Variants in C1orf185 observed in about 807,000 individuals in gnomAD.
C1orf185 encodes chromosome 1 open reading frame 185.
C1orf185 carries 13 observed loss-of-function variants against 16.1 expected under a neutral mutation model. That is an observed-to-expected ratio of 0.81 (90% confidence interval 0.53 to 1.28). The LOEUF is 1.28. Ranked by LOEUF, C1orf185 falls within the 50% of genes most tolerant of loss-of-function variation. The probability of loss-of-function intolerance (pLI) is 0.00; values close to 1 mark genes in which losing one functional copy is unlikely to be tolerated. For missense variants in C1orf185, 220 were observed against 225.2 expected, an observed-to-expected ratio of 0.98 and a Z score of 0.15; for synonymous variants, 80 against 76.9, an observed-to-expected ratio of 1.04 and a Z score of -0.21.
At chr1:51,106,842 C>G (rs1646076481) in intron 1 of C1orf185, among the ~76,000 whole-genome samples, 1 of 151,466 alleles carries the variant, frequency 6.6e-6, no homozygotes, top group South Asian at 2.1e-4. Context: ...ACTGCAACCT[C>G]CAACTCCCTG....
chr1:51,150,185 G>A (rs1340206387), downstream of C1orf185, among the ~76,000 whole-genome samples: 1 of 150,730 alleles, frequency 6.6e-6, no homozygotes, highest in African/African-American at 2.4e-5. Context: ...ATAATAAATT[G>A]AATGTCTTTC....
chr1:51,123,940 T>C (rs754682908), intron 3 of C1orf185, among the ~76,000 whole-genome samples: 9 of 151,408 alleles, frequency 5.9e-5, no homozygotes, highest in African/African-American at 1.7e-4. Flanking sequence ...CACACATGTA[T>C]ATATATACAC....
chr1:51,106,860 C>T (rs1646076615), intron 1 of C1orf185, among the ~76,000 whole-genome samples: 1 of 151,098 alleles, frequency 6.6e-6, no homozygotes, highest in African/African-American at 2.4e-5. Context: ...CTGGTTCAAG[C>T]GACTCCCCTG....
chr1:51,108,486 ATTG>A (rs758890354), intron 1 of C1orf185, among the ~76,000 whole-genome samples: 11 of 152,088 alleles, frequency 7.2e-5, no homozygotes, highest in Non-Finnish European at 1.3e-4. Flanking sequence ...ATTATTGTTA[ATTG>A]TTGTCACCCT....
downstream of C1orf185, among the ~76,000 whole-genome samples, chr1:51,151,782 T>G (rs932321260): frequency 6.6e-6 from 1 of 152,052 alleles, no homozygotes; most frequent in Non-Finnish European, 1.5e-5. Flanking sequence ...CTCCGCCACC[T>G]GGGTTCAAGC....
At chr1:51,146,023 T>C (rs17106420) in intron 4 of C1orf185, among the ~76,000 whole-genome samples, 2,432 of 152,328 alleles carry the variant, frequency 0.016, 63 homozygotes, top group African/African-American at 0.054. Flanking sequence ...CAATGTCATA[T>C]AGTAATGCTT....
chr1:51,136,339 A>AT (rs199798609), intron 3 of C1orf185, among the ~76,000 whole-genome samples: 11,047 of 143,536 alleles, frequency 0.077, 1,047 homozygotes, highest in African/African-American at 0.23. Context: ...TTTGATCTTG[A>AT]TTTTTTTTTT....
intron 4 of C1orf185, 33 bp from the exon 5 acceptor site, chr1:51,147,434 T>C: frequency 6.9e-7 from 1 of 1,456,862 alleles, no homozygotes. Flanking sequence ...GGCTTGTGAA[T>C]ATATAATATT....
At chr1:51,147,411 AT>A in intron 4 of C1orf185, 55 bp from the exon 5 acceptor site, 1 of 1,402,330 alleles carries the variant, frequency 7.1e-7, no homozygotes, top group Non-Finnish European at 9.5e-7. Flanking sequence ...CATTGTCCTT[AT>A]AATTAAGAGT....
At chr1:51,124,273 G>A (rs1646221324) in intron 3 of C1orf185, among the ~76,000 whole-genome samples, 1 of 152,078 alleles carries the variant, frequency 6.6e-6, no homozygotes, top group Non-Finnish European at 1.5e-5. Context: ...GTGGAGACAG[G>A]GTTTCGCCAT....
chr1:51,120,182 A>G (rs1646187592), intron 3 of C1orf185, among the ~76,000 whole-genome samples: 1 of 152,184 alleles, frequency 6.6e-6, no homozygotes, highest in African/African-American at 2.4e-5. Context: ...GTGGTGGAAA[A>G]AGACGCTGGG....
chr1:51,108,297 G>T (rs1197266900), intron 1 of C1orf185, among the ~76,000 whole-genome samples: 6 of 150,818 alleles, frequency 4.0e-5, no homozygotes, highest in South Asian at 2.1e-4. Flanking sequence ...TAAATTTTTG[G>T]TTTTTTTTAA....
In C1orf185 at chr1:51,143,052, C is replaced by T. The variant is rs149303636; in HGVS notation, c.259-2672C>T. On this transcript the variant is annotated intron_variant, in intron 3 of 4. Transcript: ENST00000371759. Reference sequence around the variant, plus strand: ...GTACTAGGATTACAGATGTGAGCCACCGTGCCCAGCCTCACTCCTGAGTAT... The same window carrying T: ...GTACTAGGATTACAGATGTGAGCCATCGTGCCCAGCCTCACTCCTGAGTAT... 3.7e-3 allele frequency among the ~76,000 whole-genome samples: 567 copies of T among 152,284 alleles called. 6 individuals carry two copies. The highest frequency in any genetic ancestry group is 5.1e-3 in the Non-Finnish European group (348 of 68,024).
chr1:51,108,645 T>C lies in C1orf185; in HGVS notation c.17-3819T>C, dbSNP rs571772518. On this transcript the variant is annotated intron_variant, in intron 1 of 4. Transcript: ENST00000371759. ...ACTCTCTTCTTCATGAGATCCCCTT[T>C]TTAAGCTCCCACATATGAATGAGAA... 2.6e-5 allele frequency among the ~76,000 whole-genome samples: 4 copies of C among 152,256 alleles called. No individual in the cohort carries two copies. The East Asian group carries it at 7.7e-4, about 29-fold the overall frequency.
intron 3 of C1orf185, among the ~76,000 whole-genome samples, chr1:51,136,308 A>T (rs947224782): frequency 3.3e-5 from 5 of 150,560 alleles, no homozygotes; most frequent in Admixed American, 3.3e-4. Context: ...AAAAAAAATC[A>T]TTTTATTTTA....
intron 3 of C1orf185, among the ~76,000 whole-genome samples, chr1:51,137,438 G>C (rs1052594040): frequency 6.6e-6 from 1 of 152,122 alleles, no homozygotes; most frequent in African/African-American, 2.4e-5. Context: ...GGAGGCTGAG[G>C]CAGGACAATC....
intron 1 of C1orf185, among the ~76,000 whole-genome samples, chr1:51,106,740 A>G (rs72692271): frequency 0.017 from 2,657 of 151,866 alleles, 23 homozygotes; most frequent in Middle Eastern, 0.031. Context: ...TTTTTTGTTC[A>G]TCTAAGCTTC....
At chr1:51,145,675 T>C (rs1646394003) in intron 3 of C1orf185, 49 bp from the exon 4 acceptor site, 2 of 1,022,654 alleles carry the variant, frequency 2.0e-6, no homozygotes, top group Non-Finnish European at 2.8e-6. Flanking sequence ...AAAGAAGTTA[T>C]ATAAAAATTA....
At chr1:51,107,771 T>C (rs949709279) in intron 1 of C1orf185, among the ~76,000 whole-genome samples, 6 of 152,250 alleles carry the variant, frequency 3.9e-5, no homozygotes, top group African/African-American at 1.4e-4. Context: ...CTGCCTTCTT[T>C]TGCTCAGCAT....
Sources: gnomAD v4.1 joint callset for allele counts (sites outside exome capture counted in the v4.1 genomes callset) on GRCh38, gnomAD v4.1.1 for gene constraint, MANE v1.5 for transcripts, NCBI Gene and HGNC (gene_info 2026-07-23, HGNC 2026-07-21) for gene names.